The following NCF4 variants were observed in gnomAD, a reference collection of about 807,000 sequenced individuals.
NCF4 encodes the protein neutrophil cytosolic factor 4, also known as neutrophil cytosol factor 4.
In NCF4, 30 loss-of-function variants were observed where a neutral mutation model predicts 41.7. That is an observed-to-expected ratio of 0.72 (90% confidence interval 0.54 to 0.97). The LOEUF (loss-of-function observed/expected upper bound fraction) is 0.97. Among genes scored for constraint, NCF4 ranks in the 50% least tolerant of loss-of-function variants. The probability of loss-of-function intolerance (pLI) is 0.00; values close to 1 mark genes in which losing one functional copy is unlikely to be tolerated. For synonymous variants in NCF4, 195 were observed against 175.8 expected, an observed-to-expected ratio of 1.11 and a Z score of -0.87; for missense variants, 432 against 460.9, an observed-to-expected ratio of 0.94 and a Z score of 0.57.
intron 4 of NCF4, among the ~76,000 whole-genome samples, chr22:36,869,582 G>A (rs1940004431): frequency 1.3e-5 from 2 of 152,148 alleles, no homozygotes; most frequent in Non-Finnish European, 2.9e-5. Flanking sequence ...GGCTCTGGGT[G>A]CCTCTGGAGC....
chr22:36,867,389 C>T lies in NCF4; in HGVS notation c.272-3C>T, dbSNP rs1277857926. ...CCTAGGACAGCTCTTTGTCTCTTCT[C>T]AGCCAAAGTCTACGTGGGTGTGAAA... On this transcript the variant is annotated splice_region_variant and splice_polypyrimidine_tract_variant and intron_variant, in intron 3 of 9. Coordinates refer to ENST00000248899, the MANE Select transcript of NCF4 (RefSeq NM_000631.5). The T allele has an allele frequency of 1.9e-6, 3 of 1,614,078 alleles. No homozygotes were observed. The African/African-American group carries it at 4.0e-5, about 22-fold the overall frequency.
rs182752768 is a variant in NCF4, at chr22:36,868,951, T to G, written c.343-1464T>G. Among the ~76,000 whole-genome samples the G allele has an allele frequency of 1.1e-3, 166 of 152,324 alleles. 1 individual carries two copies. The highest frequency in any genetic ancestry group is 3.8e-3 in the African/African-American group (160 of 41,574). On this transcript the variant is annotated intron_variant, in intron 4 of 9. Coordinates refer to ENST00000248899, the MANE Select transcript of NCF4 (RefSeq NM_000631.5). ...CAGCTATGAGAAAAGCCCAACTCTC[T>G]GTAAGTCCTACCCACTGGTCTCACC...
At chr22:36,876,312 G>T (rs1027118288) in intron 9 of NCF4, among the ~76,000 whole-genome samples, 2 of 152,196 alleles carry the variant, frequency 1.3e-5, no homozygotes, top group Non-Finnish European at 2.9e-5. Flanking sequence ...AGCTCACGCA[G>T]GTTGTGGGTT....
chr22:36,872,123 G>A (rs576581090), intron 6 of NCF4: 17 of 712,762 alleles, frequency 2.4e-5, no homozygotes, highest in Non-Finnish European at 4.4e-5. Flanking sequence ...GGTTTGGAAG[G>A]AGCACCCATC....
chr22:36,867,133 G>GTGTGTGTGTGTGTT (rs1262736080), intron 3 of NCF4, among the ~76,000 whole-genome samples: 1 of 151,514 alleles, frequency 6.6e-6, no homozygotes, highest in African/African-American at 2.4e-5. Flanking sequence ...GTGTGTGTGT[G>GTGTGTGTGTGTGTT]TGTGTGTGTG....
intron 1 of NCF4, 96 bp downstream of exon 1, chr22:36,861,299 G>T: frequency 6.9e-7 from 1 of 1,444,118 alleles, no homozygotes; most frequent in Non-Finnish European, 9.5e-7. Context: ...TGATCAACAT[G>T]AGAGGCTGGG....
rs180931634 is a variant in NCF4 at position 36,862,250 on chromosome 22, G to C, written c.32+1047G>C. On this transcript the variant is annotated intron_variant, in intron 1 of 9. Transcript: ENST00000248899. ...GCCAGGCTGGTGTGTGCCTACGCGG[G>C]GAACAGAAGGCCCATGTTGGGGCCT... 3.9e-3 allele frequency among the ~76,000 whole-genome samples: 591 copies of C among 152,334 alleles called. 2 individuals are homozygous for C. Among genetic ancestry groups the C allele is most frequent in the Middle Eastern group, 6.8e-3 (2 of 294 alleles).
At chr22:36,861,259 AGG>A (rs947009167) in intron 1 of NCF4, 56 bp downstream of exon 1, 60 of 1,532,646 alleles carry the variant, frequency 3.9e-5, no homozygotes, top group Non-Finnish European at 4.9e-5. Context: ...CATAGGCCTT[AGG>A]GACAAAGGCC....
At chr22:36,872,290 T>C (rs1940076530) in intron 6 of NCF4, 37 bp from the exon 7 acceptor site, 1 of 1,452,374 alleles carries the variant, frequency 6.9e-7, no homozygotes, top group African/African-American at 1.4e-5. Flanking sequence ...TCAGTGAGTG[T>C]TCTCTCCTTC....
At chr22:36,874,514 T>C (rs912190347) in intron 7 of NCF4, among the ~76,000 whole-genome samples, 1 of 152,206 alleles carries the variant, frequency 6.6e-6, no homozygotes, top group East Asian at 1.9e-4. Context: ...CTCAGGGCTC[T>C]TACAGAGGCC....
At chr22:36,871,532 A>G (rs1305097310) in intron 5 of NCF4, 120 bp from the exon 6 acceptor site, 3 of 1,126,502 alleles carry the variant, frequency 2.7e-6, no homozygotes, top group Non-Finnish European at 3.9e-6. Context: ...GCCACATTTC[A>G]GCATCTTCTG....
intron 1 of NCF4, among the ~76,000 whole-genome samples, chr22:36,862,372 G>C (rs570142482): frequency 2.0e-5 from 3 of 152,350 alleles, no homozygotes; most frequent in South Asian, 4.1e-4. Flanking sequence ...GCCTCAGAGC[G>C]GGGTGCAGGA....
At position 36,877,692 on chromosome 22, in the gene NCF4, C is replaced by T; in HGVS notation, c.889C>T (p.Leu297=). The T allele has an allele frequency of 1.2e-6, 2 of 1,614,196 alleles. No homozygotes were observed. Among genetic ancestry groups the T allele is most frequent in the Non-Finnish European group, 1.7e-6 (2 of 1,180,046 alleles). Reference sequence around the variant, plus strand: ...GGACGCTGAGGGGGATCTGGTTCGGCTGCTGTCGGATGAGGACGTAGCGCT... The same window carrying T: ...GGACGCTGAGGGGGATCTGGTTCGGTTGCTGTCGGATGAGGACGTAGCGCT... ...YRDAEGDLVR[L]LSDEDVALMV... Residue 297 remains leucine (L), a synonymous_variant, in exon 10 of 10, where the codon CTG becomes TTG. Coordinates refer to ENST00000248899, the MANE Select transcript of NCF4 (RefSeq NM_000631.5).
intron 3 of NCF4, among the ~76,000 whole-genome samples, chr22:36,866,740 C>A (rs758716209): frequency 1.3e-5 from 2 of 152,146 alleles, no homozygotes; most frequent in Non-Finnish European, 2.9e-5. Context: ...CATGAAGGCA[C>A]CTGGAGGGGA....
chr22:36,872,071 C>T, intron 6 of NCF4: 1 of 700,062 alleles, frequency 1.4e-6, no homozygotes, highest in Admixed American at 2.0e-5. Context: ...GGGTGCTCAG[C>T]CCAGAGAGTT....
chr22:36,872,187 G>T, intron 6 of NCF4, 140 bp from the exon 7 acceptor site: 1 of 765,164 alleles, frequency 1.3e-6, no homozygotes, highest in Non-Finnish European at 2.3e-6. Context: ...AAAAAATGGG[G>T]TGGCCTCAGA....
chr22:36,873,170 G>A (rs1569115444), intron 7 of NCF4, among the ~76,000 whole-genome samples: 2 of 151,028 alleles, frequency 1.3e-5, no homozygotes, highest in Admixed American at 6.6e-5. Flanking sequence ...GAGAATGGAA[G>A]TGGGATTGGA....
In NCF4 at chr22:36,875,941, T is replaced by C. The variant is rs774730268; in HGVS notation, c.759-88T>C. ...TGTAACAAGCCATCAACGTCCAGGG[T>C]GGCCTGGCCAGCCTCATTCCCCTTT... On this transcript the variant is annotated intron_variant, in intron 8 of 9. Coordinates refer to ENST00000248899, the MANE Select transcript of NCF4 (RefSeq NM_000631.5). The C allele has an allele frequency of 9.9e-6, 16 of 1,613,918 alleles. No individual in the cohort carries two copies. The highest frequency in any genetic ancestry group is 1.2e-5 in the Non-Finnish European group (14 of 1,180,010).
At chr22:36,868,310 G>T (rs1275390188) in intron 4 of NCF4, among the ~76,000 whole-genome samples, 1 of 152,256 alleles carries the variant, frequency 6.6e-6, no homozygotes, top group Non-Finnish European at 1.5e-5. Flanking sequence ...GTGATTTGGG[G>T]TGAGTTGCCC....
Sources: allele counts gnomAD v4.1 joint callset (sites outside exome capture counted in the v4.1 genomes callset), GRCh38; gene constraint gnomAD v4.1.1; transcripts MANE v1.5; gene names NCBI Gene and HGNC (gene_info 2026-07-23, HGNC 2026-07-21).